The following EPHA6 variants were observed in gnomAD, a reference collection of about 807,000 sequenced individuals.
EPHA6 encodes the protein ephrin type-A receptor 6.
EPHA6 carries 50 observed loss-of-function variants against 112.0 expected under a neutral mutation model. That is an observed-to-expected ratio of 0.45 (90% CI 0.36 to 0.56). EPHA6 has a LOEUF of 0.56. Among genes scored for constraint, EPHA6 ranks in the 20% least tolerant of loss-of-function variants. The pLI, the probability that EPHA6 is intolerant of heterozygous loss-of-function variation, is 0.00. For synonymous variants in EPHA6, 529 were observed against 490.7 expected (o/e 1.08, Z -1.03); for missense variants, 1,280 against 1,417.4 (o/e 0.90, Z 1.56).
intron 10 of EPHA6, among the ~76,000 whole-genome samples, chr3:97,507,554 G>A (rs750997075): frequency 1.3e-5 from 2 of 152,092 alleles, no homozygotes; most frequent in Non-Finnish European, 2.9e-5. Context: ...TATGCTGGCA[G>A]ATCGTTTTGC....
intron 10 of EPHA6, among the ~76,000 whole-genome samples, chr3:97,522,411 GTGAC>G (rs2092557552): frequency 6.6e-6 from 1 of 152,150 alleles, no homozygotes; most frequent in South Asian, 2.1e-4. Context: ...GTTGATCATG[GTGAC>G]TGACTATTTT....
At chr3:97,424,258 T>C (rs756900441) in intron 6 of EPHA6, among the ~76,000 whole-genome samples, 7 of 152,158 alleles carry the variant, frequency 4.6e-5, no homozygotes, top group Non-Finnish European at 1.0e-4. Context: ...TAACTCCACC[T>C]GGCCCCGTCT....
At chr3:97,350,650 A>ATAT (rs2083764270) in intron 5 of EPHA6, among the ~76,000 whole-genome samples, 1 of 152,134 alleles carries the variant, frequency 6.6e-6, no homozygotes, top group Admixed American at 6.5e-5. Flanking sequence ...ATAACAGCCT[A>ATAT]ATCAAGTGGG....
At chr3:97,596,194 C>T (rs2107368630) in intron 12 of EPHA6, among the ~76,000 whole-genome samples, 1 of 152,256 alleles carries the variant, frequency 6.6e-6, no homozygotes, top group South Asian at 2.1e-4. Context: ...CGTGAGCCAC[C>T]GCGCCCGGCC....
intron 14 of EPHA6, among the ~76,000 whole-genome samples, chr3:97,694,985 T>A (rs531723855): frequency 5.9e-4 from 90 of 152,350 alleles, no homozygotes; most frequent in South Asian, 2.3e-3. Flanking sequence ...CATCAAAATG[T>A]GTTTTTTTCC....
At chr3:97,111,416 T>A (rs1199716109) in intron 3 of EPHA6, among the ~76,000 whole-genome samples, 1 of 152,144 alleles carries the variant, frequency 6.6e-6, no homozygotes, top group Admixed American at 6.6e-5. Context: ...ATATGTGCTA[T>A]CATAGCTTCA....
intron 2 of EPHA6, among the ~76,000 whole-genome samples, chr3:96,942,337 G>A (rs1193558587): frequency 1.3e-5 from 2 of 152,178 alleles, no homozygotes; most frequent in Non-Finnish European, 2.9e-5. Context: ...CCCCAGCCTT[G>A]CTGCAGCCTT....
chr3:97,557,878 A>C (rs1385184723), intron 11 of EPHA6, among the ~76,000 whole-genome samples: 5 of 151,768 alleles, frequency 3.3e-5, no homozygotes, highest in African/African-American at 1.2e-4. Context: ...ATCTCATTAT[A>C]ATCCCTTAAG....
At chr3:97,675,887 A>T (rs1003520233) in intron 14 of EPHA6, among the ~76,000 whole-genome samples, 1 of 152,186 alleles carries the variant, frequency 6.6e-6, no homozygotes, top group African/African-American at 2.4e-5. Flanking sequence ...TAAAAGTGAC[A>T]TGATGTTCGG....
At chr3:97,547,349 G>C (rs1297330329) in intron 11 of EPHA6, among the ~76,000 whole-genome samples, 1 of 152,202 alleles carries the variant, frequency 6.6e-6, no homozygotes, top group Non-Finnish European at 1.5e-5. Flanking sequence ...CTGTCTCCCT[G>C]GGTTTCAGCA....
intron 2 of EPHA6, among the ~76,000 whole-genome samples, chr3:96,893,363 G>A (rs1029675658): frequency 1.3e-5 from 2 of 152,082 alleles, no homozygotes; most frequent in Non-Finnish European, 2.9e-5. Context: ...CATGTTTATT[G>A]TGTCTCTTGA....
intron 3 of EPHA6, among the ~76,000 whole-genome samples, chr3:97,010,641 T>A (rs1487909647): frequency 6.6e-6 from 1 of 152,056 alleles, no homozygotes; most frequent in African/African-American, 2.4e-5. Flanking sequence ...TTTATCTTAT[T>A]TAAAAAAATT....
chr3:96,890,334 C>T (rs953324002), intron 2 of EPHA6, among the ~76,000 whole-genome samples: 5 of 151,944 alleles, frequency 3.3e-5, no homozygotes, highest in African/African-American at 4.8e-5. Flanking sequence ...GAAGATGACA[C>T]GGTAGAAAAA....
At chr3:96,875,802 C>A (rs1174484054) in intron 2 of EPHA6, among the ~76,000 whole-genome samples, 2 of 151,942 alleles carry the variant, frequency 1.3e-5, no homozygotes, top group African/African-American at 4.8e-5. Context: ...GTCAAATCTT[C>A]TTGACTTACA....
chr3:97,532,501 G>T lies in EPHA6; in HGVS notation c.2344G>T (p.Asp782Tyr). 6.2e-7 allele frequency: 1 copy of T among 1,611,724 alleles called. No individual in the cohort carries two copies. The highest frequency in any genetic ancestry group is 1.1e-5 in the South Asian group (1 of 90,894). Reference protein sequence around the residue: ...LREASIMGQFDHPNIIRLEGV... With the variant: ...LREASIMGQFYHPNIIRLEGV... ...AGAAGCTAGTATCATGGGCCAGTTT[G>T]ACCATCCAAACATCATTCGCCTAGA... is the stretch of plus-strand genomic sequence containing the variant. Residue 782 changes from aspartate to tyrosine, a missense_variant, in exon 11 of 18, where the codon GAC becomes TAC. By Grantham distance (160) the Asp-to-Tyr change is radical. Coordinates refer to ENST00000389672, the MANE Select transcript of EPHA6 (RefSeq NM_001080448.3).
At chr3:97,409,909 A>G (rs2087600559) in intron 6 of EPHA6, among the ~76,000 whole-genome samples, 1 of 152,146 alleles carries the variant, frequency 6.6e-6, no homozygotes. Flanking sequence ...TGATGAATTA[A>G]TATAACCTGC....
At chr3:96,930,153 G>C (rs2040238189) in intron 2 of EPHA6, among the ~76,000 whole-genome samples, 1 of 152,090 alleles carries the variant, frequency 6.6e-6, no homozygotes, top group Non-Finnish European at 1.5e-5. Context: ...CTTTGCATTG[G>C]GTTACAATAT....
At chr3:96,970,655 C>A (rs988511070) in intron 2 of EPHA6, among the ~76,000 whole-genome samples, 1 of 152,060 alleles carries the variant, frequency 6.6e-6, no homozygotes, top group South Asian at 2.1e-4. Flanking sequence ...GTTGTGGGAA[C>A]ATCCTATGGG....
chr3:96,839,737 C>A (rs956493016), intron 1 of EPHA6, among the ~76,000 whole-genome samples: 1 of 151,890 alleles, frequency 6.6e-6, no homozygotes, highest in East Asian at 1.9e-4. Flanking sequence ...TTCTGAGAAA[C>A]CTTATAAGCT....
Sources: gnomAD v4.1 joint callset for allele counts (sites outside exome capture counted in the v4.1 genomes callset) on GRCh38, gnomAD v4.1.1 for gene constraint, MANE v1.5 for transcripts, NCBI Gene and HGNC (gene_info 2026-07-23, HGNC 2026-07-21) for gene names.